SDK1: variants seen among roughly 807,000 people sequenced by gnomAD.
SDK1 encodes protein sidekick-1.
Under a neutral mutation model 245.5 loss-of-function variants are expected in SDK1, and 157 were observed. That is an observed-to-expected ratio of 0.64 (90% CI 0.56 to 0.73). The LOEUF (loss-of-function observed/expected upper bound fraction) is 0.73. Ranked by LOEUF, SDK1 falls within the 30% of genes least tolerant of loss-of-function variation. The pLI is 0.00. For missense variants in SDK1, 3,583 were observed against 3,002.3 expected (o/e 1.19, Z -4.52); for synonymous variants, 1,647 against 1,278.5 (o/e 1.29, Z -6.15).
intron 5 of SDK1, among the ~76,000 whole-genome samples, chr7:3,882,522 C>G (rs1177155952): frequency 2.0e-5 from 3 of 152,228 alleles, no homozygotes; most frequent in Non-Finnish European, 2.9e-5. Context: ...TAAATACCTC[C>G]ATTTGGATTC....
intron 1 of SDK1, among the ~76,000 whole-genome samples, chr7:3,547,786 C>T (rs1008542075): frequency 2.0e-5 from 3 of 152,148 alleles, no homozygotes; most frequent in Non-Finnish European, 4.4e-5. Flanking sequence ...GAGATGTGTG[C>T]ACACTTCATT....
Position 3,566,224 on chromosome 7 carries a change from CTTTTTTT to C in SDK1, c.299-52844_299-52838del, listed in dbSNP as rs568790658. Among the ~76,000 whole-genome samples, 14 of 125,398 alleles carry C rather than the reference CTTTTTTT, an allele frequency of 1.1e-4. No homozygotes were observed. In the East Asian group the frequency reaches 3.0e-3, roughly 26 times the overall value. 82.3% of individuals were successfully genotyped at this position (125,398 alleles called of 152,430 possible). On this transcript the variant is annotated intron_variant, in intron 1 of 44. Transcript: ENST00000404826. ...TTTTTGGGAACTTGATAAACTTCTT[CTTTTTTT>C]TTTTTTTTTTTGAGATGGAGTCTCG...
At chr7:3,374,156 A>G (rs1781295740) in intron 1 of SDK1, among the ~76,000 whole-genome samples, 1 of 152,094 alleles carries the variant, frequency 6.6e-6, no homozygotes, top group Non-Finnish European at 1.5e-5. Flanking sequence ...TGTTTTGCAT[A>G]GTTGAAGGAC....
chr7:3,520,133 C>T (rs974314926), intron 1 of SDK1, among the ~76,000 whole-genome samples: 1 of 152,164 alleles, frequency 6.6e-6, no homozygotes, highest in Non-Finnish European at 1.5e-5. Flanking sequence ...TATCAAGTTA[C>T]CAGAATCTTC....
intron 4 of SDK1, among the ~76,000 whole-genome samples, chr7:3,738,754 A>C (rs1779391378): frequency 2.0e-5 from 3 of 151,872 alleles, no homozygotes; most frequent in Admixed American, 1.3e-4. Context: ...CTCCTTTCTT[A>C]AGTTTATTTT....
chr7:4,054,482 C>T (rs1010524702), intron 19 of SDK1, among the ~76,000 whole-genome samples: 1 of 152,170 alleles, frequency 6.6e-6, no homozygotes, highest in African/African-American at 2.4e-5. Flanking sequence ...CAGTTTGACA[C>T]ATGTGTAGGT....
intron 1 of SDK1, among the ~76,000 whole-genome samples, chr7:3,417,189 CAAAA>C (rs571547239): frequency 6.7e-4 from 102 of 152,094 alleles, no homozygotes; most frequent in African/African-American, 2.4e-3. Flanking sequence ...CAAAAAATAA[CAAAA>C]AAACTAGCGA....
intron 1 of SDK1, among the ~76,000 whole-genome samples, chr7:3,595,647 T>A (rs1781028725): frequency 6.6e-6 from 1 of 151,290 alleles, no homozygotes. Context: ...ACCACAGGGG[T>A]TTGACCTTGA....
intron 14 of SDK1, among the ~76,000 whole-genome samples, chr7:4,007,768 T>A (rs1034817614): frequency 2.0e-5 from 3 of 150,306 alleles, no homozygotes; most frequent in African/African-American, 7.5e-5. Flanking sequence ...CACGCCCGGC[T>A]AATTTTTTTG....
chr7:4,009,516 T>A (rs1483418278), intron 14 of SDK1, among the ~76,000 whole-genome samples: 1 of 152,194 alleles, frequency 6.6e-6, no homozygotes, highest in Non-Finnish European at 1.5e-5. Context: ...CACATTTTGT[T>A]TTTAAAGGAG....
At position 3,673,412 on chromosome 7, in the gene SDK1, C is replaced by T. The variant is rs371831840; in HGVS notation, c.713+31307C>T. On this transcript the variant is annotated intron_variant, in intron 4 of 44. Transcript: ENST00000404826. ...TTCCTGGAAGGTTTTTGTTGACTGGCTCTTCCTTTTAGTATACTCTCTATT... is the reference window on the plus strand; with the variant it reads ...TTCCTGGAAGGTTTTTGTTGACTGGTTCTTCCTTTTAGTATACTCTCTATT... Among the ~76,000 whole-genome samples the T allele has an allele frequency of 1.2e-4, 19 of 152,268 alleles. No homozygotes were observed. In the South Asian group the frequency reaches 2.3e-3, roughly 18 times the overall value.
intron 5 of SDK1, among the ~76,000 whole-genome samples, chr7:3,826,740 C>G (rs1448561733): frequency 2.6e-5 from 4 of 152,210 alleles, no homozygotes; most frequent in African/African-American, 9.6e-5. Context: ...AGAGTGTCAC[C>G]TGGGGCCACC....
At chr7:3,628,987 G>T (rs1045454813) in intron 2 of SDK1, among the ~76,000 whole-genome samples, 2 of 151,926 alleles carry the variant, frequency 1.3e-5, no homozygotes, top group Non-Finnish European at 2.9e-5. Flanking sequence ...CTTAGGGCAG[G>T]GTACTGGATA....
In SDK1 at chr7:3,997,297, T is replaced by C. The variant is rs900771812; in HGVS notation, c.2131+9975T>C. Among the ~76,000 whole-genome samples the C allele has an allele frequency of 3.3e-5, 5 of 152,292 alleles. No individual in the cohort carries two copies. The South Asian group carries it at 6.2e-4, about 19-fold the overall frequency. Reference sequence around the variant, plus strand: ...GTGAGGAAGATGAAGAGGAGCTTTATTGAGTGTCCGGACAGCCCAGAGGAG... The same window carrying C: ...GTGAGGAAGATGAAGAGGAGCTTTACTGAGTGTCCGGACAGCCCAGAGGAG... On this transcript the variant is annotated intron_variant, in intron 14 of 44. Transcript: ENST00000404826.
intron 28 of SDK1, among the ~76,000 whole-genome samples, chr7:4,140,642 C>T (rs565674599): frequency 7.2e-5 from 11 of 152,312 alleles, no homozygotes; most frequent in African/African-American, 2.6e-4. Context: ...GACCCCAGCC[C>T]TGCCCTGTTT....
chr7:3,443,708 A>C (rs1021527930), intron 1 of SDK1, among the ~76,000 whole-genome samples: 8 of 152,186 alleles, frequency 5.3e-5, no homozygotes, highest in Admixed American at 1.3e-4. Context: ...GAATTTGTTA[A>C]ATTCAGCTCT....
At chr7:3,411,059 AATG>A (rs1323942453) in intron 1 of SDK1, among the ~76,000 whole-genome samples, 1 of 152,174 alleles carries the variant, frequency 6.6e-6, no homozygotes, top group East Asian at 1.9e-4. Flanking sequence ...AGAGCTTTGT[AATG>A]AAAATCATCA....
At chr7:3,870,386 G>A (rs948391593) in intron 5 of SDK1, among the ~76,000 whole-genome samples, 1 of 152,088 alleles carries the variant, frequency 6.6e-6, no homozygotes, top group Admixed American at 6.5e-5. Context: ...AGTAAAAGGA[G>A]TGCTCAATAA....
chr7:3,986,908 C>T (rs1583736855), intron 13 of SDK1, among the ~76,000 whole-genome samples: 1 of 152,140 alleles, frequency 6.6e-6, no homozygotes, highest in African/African-American at 2.4e-5. Flanking sequence ...GCGTCCCCTC[C>T]CCCTATTTAT....
Sources: allele counts gnomAD v4.1 joint callset (sites outside exome capture counted in the v4.1 genomes callset), GRCh38; gene constraint gnomAD v4.1.1; transcripts MANE v1.5; gene names NCBI Gene and HGNC (gene_info 2026-07-23, HGNC 2026-07-21).